The following UGT2B28 variants were observed in gnomAD, a reference collection of about 807,000 sequenced individuals.
UGT2B28 encodes UDP-glucuronosyltransferase 2B28.
A neutral mutation model predicts 43.6 loss-of-function variants in UGT2B28; 45 were observed. The ratio of observed to expected loss-of-function variants is 1.03; its 90% CI spans 0.81 to 1.32. UGT2B28 has a LOEUF of 1.32. Among genes scored for constraint, UGT2B28 ranks in the 40% most tolerant of loss-of-function variants. The probability of loss-of-function intolerance (pLI) is 0.00; values close to 1 mark genes in which losing one functional copy is unlikely to be tolerated. For missense variants in UGT2B28, 649 were observed against 625.5 expected, an observed-to-expected ratio of 1.04 and a Z score of -0.40; for synonymous variants, 204 against 208.1, an observed-to-expected ratio of 0.98 and a Z score of 0.17.
At chr4:69,290,480 T>C (rs1266282236) in intron 4 of UGT2B28, 112 bp from the exon 5 acceptor site, 2 of 1,355,080 alleles carry the variant, frequency 1.5e-6, no homozygotes, top group Non-Finnish European at 2.0e-6. Context: ...TGAAAAGTAA[T>C]GGCAAATTAG....
At chr4:69,290,069 C>T (rs1723907118) in intron 4 of UGT2B28, among the ~76,000 whole-genome samples, 1 of 140,094 alleles carries the variant, frequency 7.1e-6, no homozygotes, top group African/African-American at 2.8e-5. Flanking sequence ...TTTCTCCTCT[C>T]CTGCAGGTTT....
intron 1 of UGT2B28, among the ~76,000 whole-genome samples, chr4:69,281,962 ATT>A (rs1723625584): frequency 7.1e-6 from 1 of 140,434 alleles, no homozygotes; most frequent in African/African-American, 2.8e-5. Context: ...TTACAAATAT[ATT>A]TACTTAAATG....
In UGT2B28 at chr4:69,289,348, T is replaced by A. The variant is rs1336274232; in HGVS notation, c.1003-317T>A. Among the ~76,000 whole-genome samples, 2 of 140,862 alleles carry A rather than the reference T, an allele frequency of 1.4e-5. 1 individual carries two copies. The highest frequency in any genetic ancestry group is 3.0e-5 in the Non-Finnish European group (2 of 65,880). 92.4% of individuals were successfully genotyped at this position (140,862 alleles called of 152,430 possible). A position where few individuals can be genotyped will look rare whatever the true frequency, so the allele number is the denominator to read the frequency against. On this transcript the variant is annotated intron_variant, in intron 3 of 5. Transcript: ENST00000335568. ...GAATTTCTCTAATGATCCGTGCTGT[T>A]AAGTTATTTTACTTCATGTGATGGT...
In UGT2B28 at chr4:69,289,626, T is replaced by C; in HGVS notation, c.1003-39T>C. On this transcript the variant is annotated intron_variant, in intron 3 of 5. Transcript: ENST00000335568. ...GTTCTAACATTCTATAATTTTTGAG[T>C]TCCACTCATGGAATAAGATATTCTC... is the stretch of plus-strand genomic sequence containing the variant. 2 of 1,492,482 alleles carry C rather than the reference T, an allele frequency of 1.3e-6. 1 individual carries two copies. Among genetic ancestry groups the C allele is most frequent in the Non-Finnish European group, 1.8e-6 (2 of 1,112,420 alleles). 92.5% of individuals were successfully genotyped at this position (1,492,482 alleles called of 1,614,324 possible).
rs1232964425 is a variant in UGT2B28, at chr4:69,281,045, G to A, written c.545G>A (p.Arg182Lys). The stretch of plus-strand genomic sequence containing the variant: ...TTCACTCCTGGCTACACAATTGAAA[G>A]GCACAGTGGAGGACTGATTTTCCCT... ...LCFTPGYTIERHSGGLIFPPS... is the reference protein window; with the variant it reads ...LCFTPGYTIEKHSGGLIFPPS... Residue 182 changes from arginine (R) to lysine (K), a missense_variant, in exon 1 of 6, where the codon AGG (arginine) becomes AAG (lysine). By Grantham distance (26) the Arg-to-Lys change is conservative (BLOSUM62 2). Coordinates refer to ENST00000335568, the MANE Select transcript of UGT2B28 (RefSeq NM_053039.2). 3.8e-6 allele frequency: 6 copies of A among 1,558,786 alleles called. 2 individuals are homozygous for A. Among genetic ancestry groups the A allele is most frequent in the African/African-American group, 3.0e-5 (2 of 66,006 alleles).
At chr4:69,284,166 G>A (rs1285283028) in intron 2 of UGT2B28, among the ~76,000 whole-genome samples, 1 of 140,058 alleles carries the variant, frequency 7.1e-6, no homozygotes, top group East Asian at 2.0e-4. Context: ...ATAGGTGCCT[G>A]ACAGAGAAGC....
At chr4:69,287,292 A>G (rs1723807640) in intron 3 of UGT2B28, among the ~76,000 whole-genome samples, 1 of 141,020 alleles carries the variant, frequency 7.1e-6, no homozygotes, top group Admixed American at 7.1e-5. Flanking sequence ...GTTTTCAACT[A>G]AAAATATATA....
chr4:69,294,198 AC>A (rs1464941326), intron 5 of UGT2B28, among the ~76,000 whole-genome samples: 2 of 139,894 alleles, frequency 1.4e-5, no homozygotes, highest in African/African-American at 2.8e-5. Flanking sequence ...TATCTCATGT[AC>A]CCCATAAATA....
intron 2 of UGT2B28, among the ~76,000 whole-genome samples, 195 bp downstream of exon 2, chr4:69,282,857 T>G (rs1186584093): frequency 2.1e-5 from 3 of 139,992 alleles, no homozygotes; most frequent in African/African-American, 5.6e-5. Flanking sequence ...ATATTACAAA[T>G]AGAGAGGAAT....
At position 69,294,925 on chromosome 4, in the gene UGT2B28, A is replaced by G; in HGVS notation, c.*116A>G. On this transcript the variant is annotated 3_prime_UTR_variant, in exon 6 of 6. Transcript: ENST00000335568. ...CTTTCTTCCTGTGACAAAAAAAAAA[A>G]CTTTTCAAAATCTACCTTGTCAAGT... The G allele has an allele frequency of 7.7e-7, 1 of 1,297,778 alleles. No homozygotes were observed. The highest frequency in any genetic ancestry group is 1.0e-6 in the Non-Finnish European group (1 of 1,004,404). 80.4% of individuals were successfully genotyped at this position (1,297,778 alleles called of 1,614,324 possible). A position where few individuals can be genotyped will look rare whatever the true frequency, so the allele number is the denominator to read the frequency against.
chr4:69,291,891 C>T (rs756706582), intron 5 of UGT2B28, among the ~76,000 whole-genome samples: 4 of 140,138 alleles, frequency 2.9e-5, no homozygotes, highest in African/African-American at 5.6e-5. Context: ...TATTGTCTGT[C>T]TTTTTGTTAC....
At chr4:69,290,892 TTA>T in intron 5 of UGT2B28, 81 bp downstream of exon 5, 1 of 1,403,440 alleles carries the variant, frequency 7.1e-7, no homozygotes, top group South Asian at 1.6e-5. Context: ...TTCATCCTTT[TTA>T]TAAGAGAGTA....
In UGT2B28 at chr4:69,283,290, G is replaced by A. The variant is rs187537542; in HGVS notation, c.870+628G>A. On this transcript the variant is annotated intron_variant, in intron 2 of 5. Transcript: ENST00000335568. ...TCCTCAGGTTTTGTTTTTAGGGAAT[G>A]ATTAAGAATCTAGATCATACTAAGA... is the stretch of plus-strand genomic sequence containing the variant. Among the ~76,000 whole-genome samples the A allele has an allele frequency of 5.2e-4, 73 of 139,424 alleles. 6 individuals are homozygous for A. The highest frequency in any genetic ancestry group is 9.2e-4 in the Non-Finnish European group (60 of 65,326). The allele number at this position is 139,424 out of a possible 152,430, so 91.5% of individuals were successfully genotyped here.
chr4:69,293,558 G>A (rs1335033229), intron 5 of UGT2B28, among the ~76,000 whole-genome samples: 2 of 140,158 alleles, frequency 1.4e-5, no homozygotes, highest in Non-Finnish European at 3.0e-5. Context: ...TCTCTTAGAG[G>A]TAACACTTAG....
Position 69,294,559 on chromosome 4 carries a change from T to G in UGT2B28, c.1340T>G (p.Ile447Arg), listed in dbSNP as rs6843900. 786,271 of 1,539,944 alleles carry G rather than the reference T, an allele frequency of 0.51. 254,258 individuals are homozygous for G. The highest frequency in any genetic ancestry group is 0.54 in the Non-Finnish European group (616,392 of 1,146,886). The change falls in exon 6 of 6, where the codon ATA (isoleucine) becomes AGA (arginine). Residue 447 changes from isoleucine (I) to arginine (R), a missense_variant. By Grantham distance (97) the Ile-to-Arg change is moderately conservative. Transcript: ENST00000335568. ...AAAGAGAATGTTATGAAATTATCAA[T>G]AATTCAACATGATCAACCAGTAAAG... ...SYKENVMKLS[I>R]IQHDQPVKPL...
At chr4:69,294,380 T>C (rs2109699781) in intron 5 of UGT2B28, 150 bp from the exon 6 acceptor site, 3 of 899,504 alleles carry the variant, frequency 3.3e-6, no homozygotes, top group East Asian at 3.3e-5. Flanking sequence ...CAACTATCTA[T>C]GATGACTCAA....
chr4:69,291,605 T>C lies in UGT2B28; in HGVS notation c.1310+794T>C, dbSNP rs542357200. 5.5e-4 allele frequency among the ~76,000 whole-genome samples: 78 copies of C among 141,272 alleles called. 15 individuals carry two copies. The South Asian group carries it at 0.013, about 24-fold the overall frequency. 92.7% of individuals were successfully genotyped at this position (141,272 alleles called of 152,430 possible). ...TCCTTTACACTTGTGTAATATTTTA[T>C]AGTATGGATATGTCATAATTTAGTT... On this transcript the variant is annotated intron_variant, in intron 5 of 5. Coordinates refer to ENST00000335568, the MANE Select transcript of UGT2B28 (RefSeq NM_053039.2).
chr4:69,287,946 G>A (rs1723826358), intron 3 of UGT2B28, among the ~76,000 whole-genome samples: 1 of 140,466 alleles, frequency 7.1e-6, no homozygotes, highest in Non-Finnish European at 1.5e-5. Context: ...TTCACTTTAT[G>A]AGGATTGCTT....
At chr4:69,286,939 T>A in intron 3 of UGT2B28, 56 bp downstream of exon 3, 5 of 1,403,826 alleles carry the variant, frequency 3.6e-6, no homozygotes, top group Non-Finnish European at 2.8e-6. Context: ...TGTTAAAGTT[T>A]GAGATCTACA....
Sources: allele counts gnomAD v4.1 joint callset (sites outside exome capture counted in the v4.1 genomes callset), GRCh38; gene constraint gnomAD v4.1.1; transcripts MANE v1.5; gene names NCBI Gene and HGNC (gene_info 2026-07-23, HGNC 2026-07-21).